The following CDH18 variants were observed in gnomAD, a reference collection of about 807,000 sequenced individuals.
CDH18 encodes the protein cadherin 18.
A neutral mutation model predicts 67.9 loss-of-function variants in CDH18; 31 were observed. The ratio of observed to expected loss-of-function variants is 0.46; its 90% CI spans 0.34 to 0.62. The LOEUF is 0.62. Ranked by LOEUF, CDH18 falls within the 20% of genes least tolerant of loss-of-function variation. The pLI, the probability that CDH18 is intolerant of heterozygous loss-of-function variation, is 0.01. For synonymous variants in CDH18, 362 were observed against 347.2 expected (o/e 1.04, Z -0.48); for missense variants, 890 against 975.5 (o/e 0.91, Z 1.17).
chr5:19,565,893 T>G (rs1431828989), intron 8 of CDH18, among the ~76,000 whole-genome samples: 1 of 152,006 alleles, frequency 6.6e-6, no homozygotes, highest in Non-Finnish European at 1.5e-5. Flanking sequence ...TTAAAAAGCT[T>G]CTGCACATCA....
intron 4 of CDH18, among the ~76,000 whole-genome samples, chr5:19,745,975 G>A (rs1461374278): frequency 6.6e-6 from 1 of 151,844 alleles, no homozygotes; most frequent in African/African-American, 2.4e-5. Flanking sequence ...TTTGATTAGT[G>A]ACTAAGTGAC....
At chr5:19,977,154 T>C (rs1481790762) in intron 2 of CDH18, among the ~76,000 whole-genome samples, 1 of 151,734 alleles carries the variant, frequency 6.6e-6, no homozygotes, top group Non-Finnish European at 1.5e-5. Context: ...AACAAAAAAA[T>C]AATTCAGGAA....
intron 3 of CDH18, among the ~76,000 whole-genome samples, chr5:19,788,640 T>C (rs1331066257): frequency 2.0e-5 from 3 of 152,200 alleles, no homozygotes; most frequent in Non-Finnish European, 4.4e-5. Context: ...TAGTGTTCTA[T>C]CATTGACAAG....
At chr5:20,363,970 C>T (rs935348756) in intron 1 of CDH18, among the ~76,000 whole-genome samples, 2 of 152,106 alleles carry the variant, frequency 1.3e-5, no homozygotes, top group Non-Finnish European at 2.9e-5. Flanking sequence ...AGTAGCTTTA[C>T]AAAAGTGCCA....
In CDH18 at chr5:20,415,230, C is replaced by CA. The variant is rs199940616; in HGVS notation, c.-579-159726dup. 5.2e-3 allele frequency among the ~76,000 whole-genome samples: 782 copies of CA among 151,414 alleles called. 7 individuals carry two copies. Among genetic ancestry groups the CA allele is most frequent in the Middle Eastern group, 0.027 (8 of 294 alleles). On this transcript the variant is annotated intron_variant, in intron 1 of 14. Transcript: ENST00000507958. ...GTGAAACCCTGTCTCTACTAAAATA[C>CA]AAAAAAATTAGCCATGCATGGTGGT...
intron 2 of CDH18, among the ~76,000 whole-genome samples, chr5:19,876,499 T>C (rs950080958): frequency 1.3e-5 from 2 of 152,252 alleles, no homozygotes; most frequent in African/African-American, 4.8e-5. Context: ...AATATTGATA[T>C]GAACTGGAAA....
intron 1 of CDH18, among the ~76,000 whole-genome samples, chr5:20,488,673 T>TTATATATATATATATATATATATATATA (rs34690857): frequency 1.6e-5 from 2 of 126,980 alleles, no homozygotes; most frequent in Admixed American, 8.2e-5. Flanking sequence ...GGGTAGTGTT[T>TTATATATATATATATATATATATATATA]TATATATATA....
chr5:19,802,856 A>G (rs62355767), intron 3 of CDH18, among the ~76,000 whole-genome samples: 9,029 of 152,292 alleles, frequency 0.059, 310 homozygotes, highest in Non-Finnish European at 0.076. Context: ...ACAAAGAAGT[A>G]GCAGCAATAA....
At chr5:20,537,867 T>C (rs771881802) in intron 1 of CDH18, among the ~76,000 whole-genome samples, 33 of 152,192 alleles carry the variant, frequency 2.2e-4, no homozygotes, top group Non-Finnish European at 4.3e-4. Flanking sequence ...CATTTGCCTG[T>C]AGCAATTGGA....
chr5:19,863,013 T>C (rs1785067641), intron 2 of CDH18, among the ~76,000 whole-genome samples: 1 of 36,158 alleles, frequency 2.8e-5, no homozygotes, highest in East Asian at 4.7e-4. Flanking sequence ...CTGTGGTTTT[T>C]TTAACGGGGG....
chr5:20,433,050 T>G (rs928944037), intron 1 of CDH18, among the ~76,000 whole-genome samples: 1 of 150,198 alleles, frequency 6.7e-6, no homozygotes, highest in Non-Finnish European at 1.5e-5. Flanking sequence ...AGGCATTGTA[T>G]AATGCCTAAA....
chr5:19,922,186 A>G (rs1431854271), intron 2 of CDH18, among the ~76,000 whole-genome samples: 1 of 152,188 alleles, frequency 6.6e-6, no homozygotes, highest in Non-Finnish European at 1.5e-5. Flanking sequence ...AATTAATCCA[A>G]TCCCTCTAAT....
At chr5:19,808,332 A>AT (rs1308305474) in intron 3 of CDH18, among the ~76,000 whole-genome samples, 3 of 151,872 alleles carry the variant, frequency 2.0e-5, no homozygotes, top group Non-Finnish European at 2.9e-5. Context: ...AAAAAAACAA[A>AT]AATAAAACTG....
intron 2 of CDH18, among the ~76,000 whole-genome samples, chr5:19,914,982 A>T (rs1037674889): frequency 6.6e-6 from 1 of 152,166 alleles, no homozygotes; most frequent in Non-Finnish European, 1.5e-5. Context: ...GAAGGAAAGA[A>T]TTAACCTTAC....
chr5:19,693,608 A>AGAGGAAGGCC (rs1165191793), intron 5 of CDH18, among the ~76,000 whole-genome samples: 1 of 152,168 alleles, frequency 6.6e-6, no homozygotes, highest in Non-Finnish European at 1.5e-5. Context: ...AAAAATCATG[A>AGAGGAAGGCC]GAGGAAGGCC....
At chr5:19,584,809 A>G (rs1333210391) in intron 7 of CDH18, among the ~76,000 whole-genome samples, 3 of 146,882 alleles carry the variant, frequency 2.0e-5, no homozygotes, top group Admixed American at 6.8e-5. Context: ...AAAAAAAAAA[A>G]AAAGAAAAAA....
intron 5 of CDH18, among the ~76,000 whole-genome samples, chr5:19,668,350 T>C (rs1315363432): frequency 6.7e-6 from 1 of 148,732 alleles, no homozygotes; most frequent in Non-Finnish European, 1.5e-5. Context: ...TCCTCATTAA[T>C]AGTCTATTAG....
chr5:19,952,815 T>G (rs73061508), intron 2 of CDH18, among the ~76,000 whole-genome samples: 20,639 of 152,070 alleles, frequency 0.14, 4,076 homozygotes, highest in African/African-American at 0.44. Flanking sequence ...GGAAATATTT[T>G]GGAGAAATGA....
chr5:20,563,032 AT>A (rs917027314), intron 1 of CDH18, among the ~76,000 whole-genome samples: 5 of 151,042 alleles, frequency 3.3e-5, no homozygotes, highest in African/African-American at 9.7e-5. Flanking sequence ...AATCTAGATC[AT>A]TTTTTTCCAT....
Sources: gnomAD v4.1 joint callset for allele counts (sites outside exome capture counted in the v4.1 genomes callset) on GRCh38, gnomAD v4.1.1 for gene constraint, MANE v1.5 for transcripts, NCBI Gene and HGNC (gene_info 2026-07-23, HGNC 2026-07-21) for gene names.